Variants in PTPRK observed in about 807,000 individuals in gnomAD.
The protein encoded by PTPRK is protein tyrosine phosphatase receptor type K.
Under a neutral mutation model 178.0 loss-of-function variants are expected in PTPRK, and 75 were observed. The observed-to-expected ratio is 0.42, with a 90% CI of 0.35 to 0.51. PTPRK has a LOEUF of 0.51. Among genes scored for constraint, PTPRK ranks in the 20% least tolerant of loss-of-function variants. The pLI, the probability that PTPRK is intolerant of heterozygous loss-of-function variation, is 0.02. For synonymous variants in PTPRK, 637 were observed against 620.6 expected (o/e 1.03, Z -0.39); for missense variants, 1,441 against 1,797.8 (o/e 0.80, Z 3.59).
intron 7 of PTPRK, among the ~76,000 whole-genome samples, chr6:128,130,528 C>A (rs1794062134): frequency 1.3e-5 from 2 of 152,064 alleles, no homozygotes. Flanking sequence ...TCTGTACAGT[C>A]CACTATCTAC....
chr6:128,417,166 T>G (rs1842945974), intron 1 of PTPRK, among the ~76,000 whole-genome samples: 2 of 152,098 alleles, frequency 1.3e-5, no homozygotes, highest in South Asian at 4.1e-4. Context: ...TTTTTTTTCT[T>G]GAGCTAACAT....
chr6:128,481,351 T>C (rs556168239), intron 1 of PTPRK, among the ~76,000 whole-genome samples: 5 of 152,184 alleles, frequency 3.3e-5, no homozygotes, highest in African/African-American at 4.8e-5. Context: ...ATTTGCAATT[T>C]TGCATACCAA....
At chr6:127,993,375 G>A (rs573923018) in intron 18 of PTPRK, among the ~76,000 whole-genome samples, 9 of 151,036 alleles carry the variant, frequency 6.0e-5, no homozygotes, top group Non-Finnish European at 1.3e-4. Context: ...TTTTTTTTCA[G>A]TGTGCTAAAA....
At chr6:128,001,161 G>A (rs565748794) in intron 15 of PTPRK, 7 of 1,464,782 alleles carry the variant, frequency 4.8e-6, no homozygotes, top group South Asian at 1.3e-5. Context: ...ATCCTTGATT[G>A]AAAGGTTTTC....
At chr6:128,334,249 G>A (rs78574324) in intron 2 of PTPRK, among the ~76,000 whole-genome samples, 2,722 of 152,210 alleles carry the variant, frequency 0.018, 44 homozygotes, top group Middle Eastern at 0.034. Context: ...GAAATACTGT[G>A]AGAATTTCCA....
intron 14 of PTPRK, among the ~76,000 whole-genome samples, chr6:128,008,381 G>A (rs1397154090): frequency 6.6e-6 from 1 of 150,798 alleles, no homozygotes; most frequent in African/African-American, 2.4e-5. Context: ...CCAAATACAT[G>A]ATGGGAAGGA....
chr6:128,147,160 G>GTAT (rs1272439156), intron 7 of PTPRK, among the ~76,000 whole-genome samples: 4 of 152,102 alleles, frequency 2.6e-5, no homozygotes, highest in Non-Finnish European at 4.4e-5. Context: ...AATGCATGCT[G>GTAT]TATAGTATGT....
At chr6:127,980,892 C>T (rs982243224) in intron 25 of PTPRK, among the ~76,000 whole-genome samples, 1 of 152,104 alleles carries the variant, frequency 6.6e-6, no homozygotes, top group Non-Finnish European at 1.5e-5. Context: ...TAATAATTGA[C>T]AATCAAGCTC....
At chr6:128,250,777 A>C (rs1419931703) in intron 3 of PTPRK, among the ~76,000 whole-genome samples, 1 of 152,186 alleles carries the variant, frequency 6.6e-6, no homozygotes, top group African/African-American at 2.4e-5. Context: ...AAATTCTAGA[A>C]TCTAGTTACT....
intron 1 of PTPRK, among the ~76,000 whole-genome samples, chr6:128,438,427 A>G (rs1375083551): frequency 6.6e-6 from 1 of 152,232 alleles, no homozygotes; most frequent in African/African-American, 2.4e-5. Context: ...AATCTACTCT[A>G]TCACTGCCAG....
intron 1 of PTPRK, among the ~76,000 whole-genome samples, chr6:128,465,366 CTAT>C (rs1166067841): frequency 6.6e-6 from 1 of 151,896 alleles, no homozygotes; most frequent in African/African-American, 2.4e-5. Flanking sequence ...TTTGTTACTA[CTAT>C]AAGGCTATAA....
intron 1 of PTPRK, among the ~76,000 whole-genome samples, chr6:128,402,411 C>A (rs1841142498): frequency 6.6e-6 from 1 of 152,050 alleles, no homozygotes; most frequent in Non-Finnish European, 1.5e-5. Flanking sequence ...TGCCACCATG[C>A]CCATCTAATT....
At chr6:128,171,492 A>G (rs1325443881) in intron 7 of PTPRK, among the ~76,000 whole-genome samples, 1 of 151,832 alleles carries the variant, frequency 6.6e-6, no homozygotes, top group Admixed American at 6.6e-5. Flanking sequence ...CTCACTCCAG[A>G]CTCTTTAAGT....
chr6:128,509,403 T>G (rs1306906146), intron 1 of PTPRK, among the ~76,000 whole-genome samples: 2 of 152,226 alleles, frequency 1.3e-5, no homozygotes, highest in Non-Finnish European at 2.9e-5. Context: ...TCTTCTTTAT[T>G]ATACCACTTT....
At chr6:128,288,702 A>G (rs1822904417) in intron 3 of PTPRK, among the ~76,000 whole-genome samples, 2 of 152,142 alleles carry the variant, frequency 1.3e-5, no homozygotes, top group African/African-American at 4.8e-5. Flanking sequence ...AATTACAAAT[A>G]CTTTTAGGAA....
rs368072598 is a variant in PTPRK, at chr6:128,219,000, C to T, written c.790G>A (p.Asp264Asn). The T allele has an allele frequency of 8.1e-6, 13 of 1,613,906 alleles. No homozygotes were observed. Among genetic ancestry groups the T allele is most frequent in the Non-Finnish European group, 1.0e-5 (12 of 1,179,930 alleles). ...SFRLQEVTKT[D>N]QDLYRCVTQS... Reference sequence around the variant, plus strand: ...GTTACACAGCGATACAAATCCTGGTCAGTTTTTGTCACTTCTTGCAATCTG... The same window carrying T: ...GTTACACAGCGATACAAATCCTGGTTAGTTTTTGTCACTTCTTGCAATCTG... Residue 264 changes from aspartate to asparagine, a missense_variant, in exon 6 of 30, where the codon GAC (aspartate) becomes AAC (asparagine). Physicochemically the swap from Asp to Asn is conservative, Grantham distance 23. Transcript: ENST00000368226.
At chr6:128,100,845 C>T (rs1016369491) in intron 7 of PTPRK, among the ~76,000 whole-genome samples, 1 of 151,736 alleles carries the variant, frequency 6.6e-6, no homozygotes, top group Non-Finnish European at 1.5e-5. Flanking sequence ...TTTATAGTGG[C>T]CTTAGAAGAA....
intron 13 of PTPRK, among the ~76,000 whole-genome samples, chr6:128,018,810 G>A (rs1396854405): frequency 6.6e-6 from 1 of 152,126 alleles, no homozygotes; most frequent in Non-Finnish European, 1.5e-5. Context: ...TAGATGGAGG[G>A]AAGTCTACTT....
intron 3 of PTPRK, among the ~76,000 whole-genome samples, chr6:128,295,812 T>C (rs1217379653): frequency 6.6e-6 from 1 of 152,120 alleles, no homozygotes; most frequent in Non-Finnish European, 1.5e-5. Flanking sequence ...TATGCAGAGC[T>C]AATATACCTT....
Sources: allele counts gnomAD v4.1 joint callset (sites outside exome capture counted in the v4.1 genomes callset), GRCh38; gene constraint gnomAD v4.1.1; transcripts MANE v1.5; gene names NCBI Gene and HGNC (gene_info 2026-07-23, HGNC 2026-07-21).